Variants in LRRC1 observed in about 807,000 individuals in gnomAD.
LRRC1 encodes the protein leucine rich repeat containing 1, also known as leucine-rich repeat-containing protein 1.
LRRC1 carries 28 observed loss-of-function variants against 69.9 expected under a neutral mutation model. That is an observed-to-expected ratio of 0.40 (90% confidence interval 0.30 to 0.55). The LOEUF is 0.55. Among genes scored for constraint, LRRC1 ranks in the 20% least tolerant of loss-of-function variants. The pLI is 0.47. For missense variants in LRRC1, 498 were observed against 609.0 expected (o/e 0.82, Z 1.92); for synonymous variants, 236 against 240.2 (o/e 0.98, Z 0.16).
chr6:53,880,562 G>A (rs1767255857), intron 3 of LRRC1, among the ~76,000 whole-genome samples: 1 of 152,112 alleles, frequency 6.6e-6, no homozygotes, highest in Admixed American at 6.6e-5. Context: ...CTCATTTCAT[G>A]CCTCTGTCTT....
intron 2 of LRRC1, among the ~76,000 whole-genome samples, chr6:53,867,845 G>T (rs934392186): frequency 2.6e-5 from 4 of 151,406 alleles, no homozygotes; most frequent in Non-Finnish European, 4.4e-5. Context: ...GTCGCAGCTA[G>T]TTGGGGGCTG....
intron 4 of LRRC1, among the ~76,000 whole-genome samples, chr6:53,888,388 A>T (rs1767564001): frequency 6.6e-6 from 1 of 152,218 alleles, no homozygotes; most frequent in East Asian, 1.9e-4. Context: ...TTCTTAGGAT[A>T]AATTTAACAG....
intron 2 of LRRC1, among the ~76,000 whole-genome samples, chr6:53,877,133 A>G (rs1405053378): frequency 6.6e-6 from 1 of 152,186 alleles, no homozygotes; most frequent in Non-Finnish European, 1.5e-5. Context: ...CCGCAAGCTC[A>G]ACACTATGTG....
At chr6:53,801,881 C>T (rs1329128507) in intron 1 of LRRC1, among the ~76,000 whole-genome samples, 1 of 152,086 alleles carries the variant, frequency 6.6e-6, no homozygotes, top group Non-Finnish European at 1.5e-5. Context: ...GAGTTTTAAG[C>T]ATTGTATTAA....
chr6:53,919,488 A>AC lies in LRRC1; in HGVS notation c.1107-10_1107-9insC. 6.6e-7 allele frequency: 1 copy of AC among 1,506,338 alleles called. No homozygotes were observed. Among genetic ancestry groups the AC allele is most frequent in the South Asian group, 1.3e-5 (1 of 75,098 alleles). 93.3% of individuals were successfully genotyped at this position (1,506,338 alleles called of 1,614,324 possible). A position where few individuals can be genotyped will look rare whatever the true frequency, so the allele number is the denominator to read the frequency against. ...GATGTCTCTTTTTTTAAAAAAAAAA[A>AC]AAAAAACAGGTTGCTGCATCTACCT... On this transcript the variant is annotated splice_polypyrimidine_tract_variant and intron_variant, in intron 11 of 13. Transcript: ENST00000370888.
At chr6:53,826,437 T>C (rs1765259999) in intron 1 of LRRC1, among the ~76,000 whole-genome samples, 2 of 152,122 alleles carry the variant, frequency 1.3e-5, no homozygotes, top group East Asian at 3.8e-4. Flanking sequence ...CCCCCATTAC[T>C]CTCCATAGAT....
rs147037755 is a variant in LRRC1, at chr6:53,898,206, A to C, written c.642+847A>C. On this transcript the variant is annotated intron_variant, in intron 7 of 13. Transcript: ENST00000370888. ...CACTGAAGTTTCCATGATGTCACCT[A>C]ATGACTAATGGAACTAAGGAACTAA... Among the ~76,000 whole-genome samples, 93 of 152,316 alleles carry C rather than the reference A, an allele frequency of 6.1e-4. 2 individuals are homozygous for C. The highest frequency in any genetic ancestry group is 2.0e-3 in the African/African-American group (85 of 41,570).
intron 10 of LRRC1, among the ~76,000 whole-genome samples, chr6:53,913,326 C>T (rs778345256): frequency 9.0e-4 from 137 of 151,744 alleles, no homozygotes; most frequent in Non-Finnish European, 1.6e-3. Flanking sequence ...AATTAATGTA[C>T]TGTATCATCT....
intron 1 of LRRC1, among the ~76,000 whole-genome samples, chr6:53,812,247 A>G (rs1029496441): frequency 1.3e-5 from 2 of 152,176 alleles, no homozygotes; most frequent in African/African-American, 4.8e-5. Flanking sequence ...TGAAGGGAAC[A>G]AGACTGGAGG....
chr6:53,885,602 T>G (rs1454922963), intron 4 of LRRC1, among the ~76,000 whole-genome samples: 1 of 152,210 alleles, frequency 6.6e-6, no homozygotes, highest in East Asian at 1.9e-4. Flanking sequence ...CCTCTCAAGC[T>G]TCAGTGAAGA....
chr6:53,915,386 T>G (rs1228524217), intron 11 of LRRC1, among the ~76,000 whole-genome samples: 1 of 152,208 alleles, frequency 6.6e-6, no homozygotes, highest in Non-Finnish European at 1.5e-5. Context: ...GATAGATTCT[T>G]AAGACCACTA....
intron 1 of LRRC1, among the ~76,000 whole-genome samples, chr6:53,831,388 A>G (rs745892372): frequency 9.2e-5 from 14 of 152,132 alleles, no homozygotes; most frequent in African/African-American, 1.9e-4. Context: ...GCGATATTCT[A>G]TTGCTTGACC....
At position 53,900,378 on chromosome 6, in the gene LRRC1, T is replaced by C. The variant is rs1768022190; in HGVS notation, c.787+487T>C. On this transcript the variant is annotated intron_variant, in intron 8 of 13. Coordinates refer to ENST00000370888, the MANE Select transcript of LRRC1 (RefSeq NM_018214.5). ...AAGAAGGAAAGCAAAGAGTATTTAT[T>C]ACAGCAGAAGTTTCTCTACATGCAG... 4.6e-5 allele frequency among the ~76,000 whole-genome samples: 7 copies of C among 152,300 alleles called. No individual in the cohort carries two copies. The South Asian group carries it at 1.5e-3, about 32-fold the overall frequency.
chr6:53,832,940 TTAAA>T (rs555670869), intron 1 of LRRC1, among the ~76,000 whole-genome samples: 104 of 152,356 alleles, frequency 6.8e-4, no homozygotes, highest in Middle Eastern at 3.4e-3. Flanking sequence ...TATTATATTA[TTAAA>T]TATTCTCCAG....
intron 2 of LRRC1, among the ~76,000 whole-genome samples, chr6:53,859,673 A>T (rs1766433506): frequency 6.6e-6 from 1 of 152,218 alleles, no homozygotes; most frequent in East Asian, 1.9e-4. Flanking sequence ...TGTGACACCA[A>T]CATTGGCATC....
At chr6:53,866,173 C>T (rs1562050389) in intron 2 of LRRC1, among the ~76,000 whole-genome samples, 3 of 152,098 alleles carry the variant, frequency 2.0e-5, no homozygotes, top group Admixed American at 6.5e-5. Context: ...TCCTGGGCCA[C>T]TTGGGGAAGG....
intron 1 of LRRC1, among the ~76,000 whole-genome samples, chr6:53,829,421 T>C (rs1205957620): frequency 6.6e-6 from 1 of 152,222 alleles, no homozygotes; most frequent in African/African-American, 2.4e-5. Flanking sequence ...AATTAGACTT[T>C]GAAAACCTGT....
rs1213130516 is a variant in LRRC1 at position 53,847,911 on chromosome 6, A to G, written c.277+5684A>G. ...TAACCTTTTTTGTTTGTTTGTAATAACTGTATACACACACACCAGAAGTGT... is the reference window on the plus strand; with the variant it reads ...TAACCTTTTTTGTTTGTTTGTAATAGCTGTATACACACACACCAGAAGTGT... On this transcript the variant is annotated intron_variant, in intron 2 of 13. Coordinates refer to ENST00000370888, the MANE Select transcript of LRRC1 (RefSeq NM_018214.5). Among the ~76,000 whole-genome samples the G allele has an allele frequency of 2.6e-5, 4 of 152,312 alleles. No homozygotes were observed. The East Asian group carries it at 7.7e-4, about 29-fold the overall frequency.
chr6:53,901,594 T>C (rs913261172), intron 8 of LRRC1, among the ~76,000 whole-genome samples: 4 of 151,954 alleles, frequency 2.6e-5, no homozygotes, highest in Non-Finnish European at 4.4e-5. Flanking sequence ...TTGGGCTGCT[T>C]AGTGAAGAAA....
Sources: gnomAD v4.1 joint callset for allele counts (sites outside exome capture counted in the v4.1 genomes callset) on GRCh38, gnomAD v4.1.1 for gene constraint, MANE v1.5 for transcripts, NCBI Gene and HGNC (gene_info 2026-07-23, HGNC 2026-07-21) for gene names.